Variants in ZNF280C observed in about 807,000 individuals in gnomAD.
ZNF280C encodes zinc finger protein 280C.
A neutral mutation model predicts 53.6 loss-of-function variants in ZNF280C; 14 were observed. The observed-to-expected ratio is 0.26, with a 90% confidence interval of 0.17 to 0.41. ZNF280C has a LOEUF of 0.41. ZNF280C is among the 10% of genes least tolerant of loss of function. The pLI, the probability that ZNF280C is intolerant of heterozygous loss-of-function variation, is 1.00. For synonymous variants in ZNF280C, 203 were observed against 181.1 expected, an observed-to-expected ratio of 1.12 and a Z score of -0.97; for missense variants, 416 against 547.1, an observed-to-expected ratio of 0.76 and a Z score of 2.39.
At chrX:130,245,298 T>A (rs2032438793) in intron 3 of ZNF280C, among the ~76,000 whole-genome samples, 1 of 112,081 alleles carries the variant, frequency 8.9e-6, no homozygotes, top group African/African-American at 3.2e-5. Context: ...AATCTTGTCA[T>A]GCTTCAATAA....
At chrX:130,267,453 A>C (rs976644782) in intron 1 of ZNF280C, among the ~76,000 whole-genome samples, 1 of 111,841 alleles carries the variant, frequency 8.9e-6, no homozygotes, top group Non-Finnish European at 1.9e-5. Flanking sequence ...GCCTAGGTTT[A>C]AGAATTGGTT....
chrX:130,212,731 A>G (rs571399141), intron 15 of ZNF280C, among the ~76,000 whole-genome samples: 1 of 111,161 alleles, frequency 9.0e-6, no homozygotes, highest in African/African-American at 3.3e-5. Context: ...GAAAGCATGC[A>G]AAGTAAAGGC....
At chrX:130,211,302 G>A (rs1377423262) in intron 15 of ZNF280C, among the ~76,000 whole-genome samples, 2 of 112,055 alleles carry the variant, frequency 1.8e-5, no homozygotes, top group Non-Finnish European at 3.8e-5. Context: ...CTTCACAGAG[G>A]GTGAAACGAG....
At chrX:130,264,357 T>TA (rs1260285300) in intron 1 of ZNF280C, among the ~76,000 whole-genome samples, 5 of 111,830 alleles carry the variant, frequency 4.5e-5, no homozygotes, top group African/African-American at 1.6e-4. Context: ...AAACTACTAA[T>TA]AAATTCATCA....
chrX:130,237,243 G>A (rs1251540090), intron 6 of ZNF280C, among the ~76,000 whole-genome samples: 2 of 111,863 alleles, frequency 1.8e-5, no homozygotes, highest in African/African-American at 6.5e-5. Flanking sequence ...AACAACTAAT[G>A]TTGAATGATA....
rs746162622 is a variant in ZNF280C at position 130,261,804 on chromosome X, C to CT, written c.-16-1340dup. ...CACAGCCTATGAGATTCATATAACA[C>CT]TTTTTTTTTTTAATTTTTATGTTTT... On this transcript the variant is annotated intron_variant, in intron 1 of 18. Transcript: ENST00000370978. 8.2e-3 allele frequency among the ~76,000 whole-genome samples: 882 copies of CT among 107,513 alleles called. 12 individuals are homozygous for CT. Among genetic ancestry groups the CT allele is most frequent in the African/African-American group, 0.028 (836 of 29,745 alleles). The allele number at this position is 107,513 out of a possible 115,157, so 93.4% of individuals were successfully genotyped here.
chrX:130,213,403 C>T (rs1156523077), intron 15 of ZNF280C, among the ~76,000 whole-genome samples: 1 of 110,620 alleles, frequency 9.0e-6, no homozygotes, highest in Non-Finnish European at 1.9e-5. Context: ...AAAAACAAAG[C>T]GGTATTTTTA....
chrX:130,205,489 T>C lies in ZNF280C; in HGVS notation c.2043-74A>G. On this transcript the variant is annotated intron_variant, in intron 16 of 18. Coordinates refer to ENST00000370978, the MANE Select transcript of ZNF280C (RefSeq NM_017666.5). ...ATCCATATGAGCTCAATAATTACTT[T>C]TCCATGTACTAACTTGATTTGCATT... 4.4e-6 allele frequency: 3 copies of C among 687,885 alleles called. No individual in the cohort carries two copies. In the South Asian group the frequency reaches 9.9e-5, roughly 23 times the overall value. 56.7% of individuals were successfully genotyped at this position (687,885 alleles called of 1,213,427 possible). A position where few individuals can be genotyped will look rare whatever the true frequency, so the allele number is the denominator to read the frequency against.
intron 15 of ZNF280C, among the ~76,000 whole-genome samples, chrX:130,212,039 C>T (rs904614276): frequency 8.1e-5 from 9 of 111,298 alleles, no homozygotes; most frequent in Admixed American, 1.9e-4. Flanking sequence ...GGTGCAGAAC[C>T]ACTGTAGTAG....
At chrX:130,248,208 G>A (rs1341309921) in intron 2 of ZNF280C, among the ~76,000 whole-genome samples, 1 of 101,789 alleles carries the variant, frequency 9.8e-6, no homozygotes, top group Non-Finnish European at 2.0e-5. Context: ...GGGAGGTGCT[G>A]AGTGGGCTGA....
At chrX:130,205,472 G>A in intron 16 of ZNF280C, 57 bp from the exon 17 acceptor site, 1 of 827,162 alleles carries the variant, frequency 1.2e-6, no homozygotes. Context: ...AAATCCATAT[G>A]AGCTCAATAA....
chrX:130,265,516 T>C (rs1318334094), intron 1 of ZNF280C, among the ~76,000 whole-genome samples: 2 of 112,340 alleles, frequency 1.8e-5, no homozygotes, highest in Non-Finnish European at 3.8e-5. Flanking sequence ...ATTCCTAAAG[T>C]AACCTCAAGA....
chrX:130,222,095 T>C (rs968916886), intron 12 of ZNF280C, among the ~76,000 whole-genome samples: 2 of 110,914 alleles, frequency 1.8e-5, no homozygotes, highest in Non-Finnish European at 3.8e-5. Context: ...ACCTGGAACA[T>C]TCTCTCCCAG....
At chrX:130,230,089 T>C (rs988155155) in intron 9 of ZNF280C, among the ~76,000 whole-genome samples, 3 of 111,968 alleles carry the variant, frequency 2.7e-5, no homozygotes, top group Non-Finnish European at 5.6e-5. Flanking sequence ...GCCTGCAATT[T>C]ATTTTAAAAT....
At chrX:130,219,541 AAAG>A (rs1481725374) in intron 13 of ZNF280C, among the ~76,000 whole-genome samples, 1 of 107,802 alleles carries the variant, frequency 9.3e-6, no homozygotes, top group Non-Finnish European at 1.9e-5. Flanking sequence ...TATATAAGGC[AAAG>A]AAGGAGAAAG....
chrX:130,221,514 C>T (rs1476256586), intron 12 of ZNF280C, among the ~76,000 whole-genome samples: 4 of 111,257 alleles, frequency 3.6e-5, no homozygotes, highest in African/African-American at 9.8e-5. Flanking sequence ...TCATTCATCC[C>T]GAGTGGGGAA....
intron 13 of ZNF280C, 78 bp downstream of exon 13, chrX:130,220,271 T>C (rs1569433148): frequency 2.2e-6 from 2 of 898,808 alleles, no homozygotes; most frequent in African/African-American, 3.3e-5. Context: ...TTATTCCTTC[T>C]ATCCATAATA....
chrX:130,215,412 A>AAT, intron 14 of ZNF280C, 79 bp from the exon 15 acceptor site: 1 of 938,353 alleles, frequency 1.1e-6, no homozygotes, highest in Non-Finnish European at 1.4e-6. Context: ...ACATTTTATT[A>AAT]ACTGAAGCCA....
chrX:130,244,341 G>C (rs992991820), intron 3 of ZNF280C, among the ~76,000 whole-genome samples: 9 of 112,011 alleles, frequency 8.0e-5, no homozygotes, highest in Non-Finnish European at 1.7e-4. Flanking sequence ...TATGAACTCC[G>C]TAACTTCTAG....
Sources: allele counts gnomAD v4.1 joint callset (sites outside exome capture counted in the v4.1 genomes callset), GRCh38; gene constraint gnomAD v4.1.1; transcripts MANE v1.5; gene names NCBI Gene and HGNC (gene_info 2026-07-23, HGNC 2026-07-21).